KCNT2: variants seen among roughly 807,000 people sequenced by gnomAD.
KCNT2 encodes potassium channel subfamily T member 2.
A neutral mutation model predicts 153.8 loss-of-function variants in KCNT2; 67 were observed. The observed-to-expected ratio is 0.44, with a 90% CI of 0.36 to 0.53. KCNT2 has a LOEUF of 0.53. KCNT2 is among the 20% of genes least tolerant of loss of function. KCNT2 has a pLI of 0.00. For missense variants in KCNT2, 975 were observed against 1,354.8 expected (o/e 0.72, Z 4.40); for synonymous variants, 500 against 458.8 (o/e 1.09, Z -1.15).
chr1:196,467,082 C>T (rs1186386890), intron 7 of KCNT2, among the ~76,000 whole-genome samples: 1 of 152,048 alleles, frequency 6.6e-6, no homozygotes, highest in Non-Finnish European at 1.5e-5. Flanking sequence ...CAGATGTTCA[C>T]TGCATATGAG....
intron 3 of KCNT2, among the ~76,000 whole-genome samples, chr1:196,483,746 T>C (rs1679197825): frequency 6.6e-6 from 1 of 152,150 alleles, no homozygotes; most frequent in East Asian, 1.9e-4. Flanking sequence ...GTGGAAACTT[T>C]ATATTTATTT....
rs1018714972 is a variant in KCNT2, at chr1:196,226,655, T to A, written c.*1569A>T. The A allele has an allele frequency of 6.6e-6, 1 of 152,018 alleles. No homozygotes were observed. Among genetic ancestry groups the A allele is most frequent in the Non-Finnish European group, 1.5e-5 (1 of 67,870 alleles). 9.4% of individuals were successfully genotyped at this position (152,018 alleles called of 1,614,324 possible). On this transcript the variant is annotated 3_prime_UTR_variant, in exon 28 of 28. Transcript: ENST00000294725. ...CAAATTATACAATGACTATAATCTT[T>A]GATTTCACATTGCACTTTACAGTTT... is the stretch of plus-strand genomic sequence containing the variant.
At chr1:196,485,062 G>A (rs1260240733) in intron 3 of KCNT2, among the ~76,000 whole-genome samples, 3 of 152,024 alleles carry the variant, frequency 2.0e-5, no homozygotes, top group African/African-American at 7.2e-5. Flanking sequence ...GCCTATCAAT[G>A]ATAGACTGGA....
intron 27 of KCNT2, among the ~76,000 whole-genome samples, chr1:196,232,093 G>A (rs1178186718): frequency 6.6e-6 from 1 of 151,722 alleles, no homozygotes; most frequent in Non-Finnish European, 1.5e-5. Context: ...CAAAAACACT[G>A]AGTCTATTTT....
chr1:196,419,235 T>G (rs1672995238), intron 12 of KCNT2, among the ~76,000 whole-genome samples: 1 of 150,948 alleles, frequency 6.6e-6, no homozygotes, highest in Non-Finnish European at 1.5e-5. Flanking sequence ...TGCAGGTTAG[T>G]TACATATGTA....
intron 21 of KCNT2, among the ~76,000 whole-genome samples, chr1:196,315,596 T>G (rs1303061171): frequency 6.6e-6 from 1 of 151,644 alleles, no homozygotes; most frequent in Non-Finnish European, 1.5e-5. Context: ...GGGCTGCTTG[T>G]CAAAACTCAT....
intron 1 of KCNT2, among the ~76,000 whole-genome samples, chr1:196,572,015 T>C (rs552405910): frequency 6.6e-6 from 1 of 152,034 alleles, no homozygotes; most frequent in East Asian, 1.9e-4. Context: ...ATGAAAGAAA[T>C]GGTTCTATGT....
intron 13 of KCNT2, among the ~76,000 whole-genome samples, chr1:196,378,865 T>C (rs1282951854): frequency 1.3e-5 from 2 of 149,540 alleles, no homozygotes; most frequent in Non-Finnish European, 3.0e-5. Context: ...CTTGGGTGCC[T>C]AAAGACTAGA....
chr1:196,334,202 G>T (rs1283276825), intron 16 of KCNT2, 142 bp from the exon 17 acceptor site: 8 of 585,590 alleles, frequency 1.4e-5, no homozygotes, highest in African/African-American at 9.3e-5. Context: ...TGGTGTATAA[G>T]TTTAGTTCTG....
intron 13 of KCNT2, among the ~76,000 whole-genome samples, chr1:196,385,890 G>T (rs1669937496): frequency 6.6e-6 from 1 of 151,824 alleles, no homozygotes; most frequent in African/African-American, 2.4e-5. Context: ...TTACATGCTG[G>T]TATTCATGCC....
intron 1 of KCNT2, among the ~76,000 whole-genome samples, chr1:196,573,490 T>G (rs78660566): frequency 6.6e-6 from 1 of 152,064 alleles, no homozygotes; most frequent in Admixed American, 6.6e-5. Context: ...CAGGAGAAAA[T>G]GATCTTAACA....
intron 5 of KCNT2, among the ~76,000 whole-genome samples, chr1:196,477,983 C>A (rs1021805436): frequency 1.3e-5 from 2 of 152,174 alleles, no homozygotes; most frequent in Non-Finnish European, 2.9e-5. Flanking sequence ...GTGTGTTCAC[C>A]AGTACCTGAA....
At chr1:196,398,905 A>G (rs941280141) in intron 12 of KCNT2, among the ~76,000 whole-genome samples, 5 of 151,742 alleles carry the variant, frequency 3.3e-5, no homozygotes, top group African/African-American at 1.2e-4. Context: ...AAGAGAAAAA[A>G]TAGCTAGACA....
At chr1:196,303,550 G>A (rs1374295595) in intron 22 of KCNT2, among the ~76,000 whole-genome samples, 1 of 152,108 alleles carries the variant, frequency 6.6e-6, no homozygotes, top group Non-Finnish European at 1.5e-5. Flanking sequence ...ATATTTATTA[G>A]TGACAATATC....
intron 14 of KCNT2, among the ~76,000 whole-genome samples, chr1:196,367,008 A>T (rs78745785): frequency 6.6e-6 from 1 of 152,204 alleles, no homozygotes; most frequent in African/African-American, 2.4e-5. Context: ...TGCCAAAACC[A>T]GTGTTCTTTC....
intron 23 of KCNT2, among the ~76,000 whole-genome samples, chr1:196,283,719 T>C (rs190378235): frequency 4.6e-5 from 7 of 152,274 alleles, no homozygotes; most frequent in Non-Finnish European, 2.9e-5. Context: ...TCTACTTAAG[T>C]GTTTTTTAAA....
chr1:196,521,017 C>A (rs1653315374), intron 1 of KCNT2, among the ~76,000 whole-genome samples: 1 of 152,116 alleles, frequency 6.6e-6, no homozygotes. Context: ...AGACATTCTA[C>A]AGAATGGGAG....
At chr1:196,521,175 C>G (rs1031773429) in intron 1 of KCNT2, among the ~76,000 whole-genome samples, 5 of 151,944 alleles carry the variant, frequency 3.3e-5, no homozygotes, top group African/African-American at 1.2e-4. Flanking sequence ...TACATGCAAC[C>G]AACAATCATA....
At chr1:196,565,428 T>C (rs1659989278) in intron 1 of KCNT2, among the ~76,000 whole-genome samples, 1 of 151,734 alleles carries the variant, frequency 6.6e-6, no homozygotes, top group African/African-American at 2.4e-5. Flanking sequence ...GTCATCCCAT[T>C]GCTGGGTATA....
Sources: gnomAD v4.1 joint callset for allele counts (sites outside exome capture counted in the v4.1 genomes callset) on GRCh38, gnomAD v4.1.1 for gene constraint, MANE v1.5 for transcripts, NCBI Gene and HGNC (gene_info 2026-07-23, HGNC 2026-07-21) for gene names.